Variants in TCF7L2 observed in about 807,000 individuals in gnomAD.
The protein encoded by TCF7L2 is transcription factor 7-like 2.
Under a neutral mutation model 77.9 loss-of-function variants are expected in TCF7L2, and 23 were observed. The ratio of observed to expected loss-of-function variants is 0.30; its 90% CI spans 0.21 to 0.42. The LOEUF (loss-of-function observed/expected upper bound fraction) is 0.42. TCF7L2 is among the 10% of genes least tolerant of loss of function. The pLI is 1.00. For missense variants in TCF7L2, 654 were observed against 793.1 expected (o/e 0.82, Z 2.11); for synonymous variants, 413 against 340.2 (o/e 1.21, Z -2.36).
chr10:113,089,039 A>G (rs1446454044), intron 5 of TCF7L2, among the ~76,000 whole-genome samples: 1 of 152,188 alleles, frequency 6.6e-6, no homozygotes, highest in Non-Finnish European at 1.5e-5. Flanking sequence ...GCAATTTCAC[A>G]TAACTAATAG....
At chr10:113,127,309 C>A (rs1358593442) in intron 5 of TCF7L2, among the ~76,000 whole-genome samples, 1 of 151,600 alleles carries the variant, frequency 6.6e-6, no homozygotes, top group Admixed American at 6.6e-5. Context: ...CTCCCCTCCT[C>A]CCCATCCCCA....
At chr10:113,094,337 T>G (rs188153727) in intron 5 of TCF7L2, among the ~76,000 whole-genome samples, 1 of 152,344 alleles carries the variant, frequency 6.6e-6, no homozygotes, top group East Asian at 1.9e-4. Context: ...CAAAGTTTTA[T>G]TTTTGCTTGT....
intron 3 of TCF7L2, among the ~76,000 whole-genome samples, chr10:112,956,415 G>A (rs2033640703): frequency 7.1e-6 from 1 of 140,144 alleles, no homozygotes; most frequent in Non-Finnish European, 1.5e-5. Context: ...GGAAGTAAGT[G>A]TAAGCTTTTT....
chr10:113,087,173 T>C (rs2059924808), intron 5 of TCF7L2, among the ~76,000 whole-genome samples: 1 of 152,218 alleles, frequency 6.6e-6, no homozygotes, highest in Admixed American at 6.5e-5. Context: ...TCTAGATCTG[T>C]ACAGAGAGGT....
intron 5 of TCF7L2, 92 bp from the exon 6 acceptor site, chr10:113,141,092 T>G (rs2136826843): frequency 2.0e-6 from 3 of 1,527,452 alleles, no homozygotes; most frequent in Non-Finnish European, 2.7e-6. Flanking sequence ...GGTGAGAGGC[T>G]GTGGCCAAGG....
chr10:113,044,382 A>C (rs1239818872), intron 5 of TCF7L2, among the ~76,000 whole-genome samples: 1 of 152,184 alleles, frequency 6.6e-6, no homozygotes, highest in Non-Finnish European at 1.5e-5. Flanking sequence ...ACCCATAATT[A>C]ATTTTTTAAA....
intron 5 of TCF7L2, among the ~76,000 whole-genome samples, chr10:113,085,200 A>G (rs1216086911): frequency 6.7e-6 from 1 of 149,862 alleles, no homozygotes; most frequent in Non-Finnish European, 1.5e-5. Flanking sequence ...CTGAGTAGCT[A>G]CAGGCCTGCA....
At chr10:113,165,412 C>T in intron 13 of TCF7L2, 143 bp from the exon 15 acceptor site, 3 of 901,840 alleles carry the variant, frequency 3.3e-6, no homozygotes, top group Non-Finnish European at 5.2e-6. Flanking sequence ...GGGGGCGCCA[C>T]TGTAATTGTC....
chr10:112,987,480 C>T (rs778475586), intron 4 of TCF7L2: 3 of 147,244 alleles, frequency 2.0e-5, no homozygotes, highest in Non-Finnish European at 3.0e-5. Flanking sequence ...ACTACCATAA[C>T]GGTGTATGTG....
chr10:112,990,043 C>T (rs957742536), intron 4 of TCF7L2, among the ~76,000 whole-genome samples: 4 of 152,072 alleles, frequency 2.6e-5, no homozygotes, highest in East Asian at 1.9e-4. Context: ...CAGGTTGGCA[C>T]GTTGCAGAAA....
intron 5 of TCF7L2, among the ~76,000 whole-genome samples, chr10:113,052,101 A>T (rs966179812): frequency 6.6e-6 from 1 of 152,182 alleles, no homozygotes; most frequent in Non-Finnish European, 1.5e-5. Flanking sequence ...CAACTTCATT[A>T]TTTGATGAAG....
intron 4 of TCF7L2, among the ~76,000 whole-genome samples, chr10:113,029,349 T>C (rs2049792556): frequency 6.6e-6 from 1 of 152,094 alleles, no homozygotes; most frequent in Non-Finnish European, 1.5e-5. Context: ...TCCCATGCCT[T>C]TGTAAGCATC....
intron 5 of TCF7L2, among the ~76,000 whole-genome samples, chr10:113,073,503 C>CAAAAAAAAAAAAAAAA (rs35730806): frequency 2.3e-5 from 1 of 43,966 alleles, no homozygotes; most frequent in Non-Finnish European, 4.3e-5. Flanking sequence ...CGGTCTCTAC[C>CAAAAAAAAAAAAAAAA]AAAAAAAAAA....
intron 8 of TCF7L2, among the ~76,000 whole-genome samples, chr10:113,146,867 A>G (rs1269661386): frequency 1.3e-5 from 2 of 151,988 alleles, no homozygotes; most frequent in Admixed American, 1.3e-4. Context: ...GGTGCATATC[A>G]TAGTGGTCTG....
chr10:113,066,215 T>A (rs1204404734), intron 5 of TCF7L2, among the ~76,000 whole-genome samples: 23 of 151,860 alleles, frequency 1.5e-4, no homozygotes, highest in Non-Finnish European at 2.9e-5. Context: ...ATAAAAAAAA[T>A]TTAGCTGGGC....
At chr10:113,097,662 A>AC (rs1217278934) in intron 5 of TCF7L2, among the ~76,000 whole-genome samples, 2 of 146,784 alleles carry the variant, frequency 1.4e-5, no homozygotes, top group Admixed American at 6.8e-5. Flanking sequence ...AAAAAAAAAA[A>AC]AAAAAAAAAA....
Position 113,106,075 on chromosome 10 carries a change from G to C in TCF7L2, c.553-35109G>C, listed in dbSNP as rs754724793. Among the ~76,000 whole-genome samples, 12 of 152,266 alleles carry C rather than the reference G, an allele frequency of 7.9e-5. No individual in the cohort carries two copies. In the East Asian group the frequency reaches 2.3e-3, roughly 29 times the overall value. On this transcript the variant is annotated intron_variant, in intron 5 of 13. Transcript: ENST00000627217. ...GGCTCTGAGGTACTCCCTTGAACCT[G>C]GGCTTCTGACACAAGAAAAGTAAAA...
At chr10:112,986,460 A>T (rs889955571) in intron 4 of TCF7L2, among the ~76,000 whole-genome samples, 1 of 152,232 alleles carries the variant, frequency 6.6e-6, no homozygotes, top group Admixed American at 6.5e-5. Context: ...TATAAAGCCT[A>T]AATTAACAGC....
intron 5 of TCF7L2, among the ~76,000 whole-genome samples, chr10:113,070,269 T>TATATA (rs370805048): frequency 5.6e-5 from 7 of 124,118 alleles, no homozygotes; most frequent in Non-Finnish European, 8.1e-5. Context: ...AAAAAAAAAT[T>TATATA]TATATATATA....
Sources: gnomAD v4.1 joint callset for allele counts (sites outside exome capture counted in the v4.1 genomes callset) on GRCh38, gnomAD v4.1.1 for gene constraint, MANE v1.5 for transcripts, NCBI Gene and HGNC (gene_info 2026-07-23, HGNC 2026-07-21) for gene names.